The following ACTR1A variants were observed in gnomAD, a reference collection of about 807,000 sequenced individuals.
The protein encoded by ACTR1A is alpha-centractin.
In ACTR1A, 10 loss-of-function variants were observed where a neutral mutation model predicts 50.7. The ratio of observed to expected loss-of-function variants is 0.20; its 90% CI spans 0.12 to 0.33. The LOEUF is 0.33. Among genes scored for constraint, ACTR1A ranks in the 10% least tolerant of loss-of-function variants. The pLI, the probability that ACTR1A is intolerant of heterozygous loss-of-function variation, is 1.00. For missense variants in ACTR1A, 253 were observed against 491.7 expected (o/e 0.51, Z 4.59); for synonymous variants, 177 against 184.2 (o/e 0.96, Z 0.32).
Position 102,480,469 on chromosome 10 carries a change from G to T in ACTR1A, c.*394C>A, listed in dbSNP as rs1589958090. 1 of 211,528 alleles carries T rather than the reference G, an allele frequency of 4.7e-6. No homozygotes were observed. The highest frequency in any genetic ancestry group is 9.6e-6 in the Non-Finnish European group (1 of 104,574). 13.1% of individuals were successfully genotyped at this position (211,528 alleles called of 1,614,324 possible). On this transcript the variant is annotated 3_prime_UTR_variant, in exon 11 of 11. Transcript: ENST00000369905. ...TGGGGCCTCAGGGCACCCTGGGGGT[G>T]GGGGTGAGGGTGGGGCCAGCCCAGC... is the stretch of plus-strand genomic sequence containing the variant.
chr10:102,488,106 G>A lies in ACTR1A; in HGVS notation c.315+44C>T. 16 of 1,580,736 alleles carry A rather than the reference G, an allele frequency of 1.0e-5. No individual in the cohort carries two copies. Among genetic ancestry groups the A allele is most frequent in the Non-Finnish European group, 1.3e-5 (15 of 1,152,898 alleles). On this transcript the variant is annotated intron_variant, in intron 4 of 10. Coordinates refer to ENST00000369905, the MANE Select transcript of ACTR1A (RefSeq NM_005736.4). The surrounding 1 kb of genome is among the most constrained non-coding windows in gnomAD (Gnocchi z 4.4). ...ATCTCTAGGGTAGGAGTTTGACACA[G>A]CTTTGCATACCCTACAGGAGTGCCC...
In ACTR1A at chr10:102,488,933, A is replaced by G. The variant is rs2062180531; in HGVS notation, c.189+130T>C. The G allele has an allele frequency of 1.6e-6, 1 of 645,112 alleles. No homozygotes were observed. Among genetic ancestry groups the G allele is most frequent in the Admixed American group, 3.1e-5 (1 of 32,314 alleles). 40.0% of individuals were successfully genotyped at this position (645,112 alleles called of 1,614,324 possible). Reference sequence around the variant, plus strand: ...ACCTAAGCCTAGGATGAGAGAATCAAAAAGGAGATTTTCAGAGAAAGTTGC... The same window carrying G: ...ACCTAAGCCTAGGATGAGAGAATCAGAAAGGAGATTTTCAGAGAAAGTTGC... On this transcript the variant is annotated intron_variant, in intron 3 of 10. Coordinates refer to ENST00000369905, the MANE Select transcript of ACTR1A (RefSeq NM_005736.4). This position sits in a 1 kb window ranked among gnomAD's most constrained non-coding sequence, Gnocchi z 4.4.
chr10:102,502,387 T>A (rs2062261738), intron 1 of ACTR1A, among the ~76,000 whole-genome samples: 1 of 152,238 alleles, frequency 6.6e-6, no homozygotes, highest in Non-Finnish European at 1.5e-5. Flanking sequence ...CTCTTTCCTT[T>A]ATCCACTCCA....
rs567872001 is a variant in ACTR1A, at chr10:102,485,596, A to C, written c.440+13T>G. On this transcript the variant is annotated intron_variant, in intron 5 of 10. Coordinates refer to ENST00000369905, the MANE Select transcript of ACTR1A (RefSeq NM_005736.4). ...TTTCCCCGCAGGGGCCGGGCTAGCC[A>C]GCTGCTACTCACAGGCTGAGTACAG... 13 of 1,613,120 alleles carry C rather than the reference A, an allele frequency of 8.1e-6. No homozygotes were observed. Among genetic ancestry groups the C allele is most frequent in the African/African-American group, 5.3e-5 (4 of 75,038 alleles).
In ACTR1A at chr10:102,488,572, C is replaced by G. The variant is rs2062179400; in HGVS notation, c.190-297G>C. 6.6e-6 allele frequency among the ~76,000 whole-genome samples: 1 copy of G among 152,202 alleles called. No individual in the cohort carries two copies. The highest frequency in any genetic ancestry group is 6.5e-5 in the Admixed American group (1 of 15,280). ...GAGGCATCTTCCTCATTGCCTGGTTCCAGGACACAATCTCCTGGCTCCCAC... is the reference window on the plus strand; with the variant it reads ...GAGGCATCTTCCTCATTGCCTGGTTGCAGGACACAATCTCCTGGCTCCCAC... On this transcript the variant is annotated intron_variant, in intron 3 of 10. Coordinates refer to ENST00000369905, the MANE Select transcript of ACTR1A (RefSeq NM_005736.4). The surrounding 1 kb of genome is among the most constrained non-coding windows in gnomAD (Gnocchi z 4.4).
At chr10:102,496,452 G>A (rs1380424892) in intron 1 of ACTR1A, among the ~76,000 whole-genome samples, 3 of 152,202 alleles carry the variant, frequency 2.0e-5, no homozygotes, top group Non-Finnish European at 4.4e-5. Context: ...AATTGGTGAC[G>A]TTTCTTCTTC....
intron 1 of ACTR1A, among the ~76,000 whole-genome samples, chr10:102,502,365 C>G (rs2062261456): frequency 6.6e-6 from 1 of 152,248 alleles, no homozygotes; most frequent in Non-Finnish European, 1.5e-5. Flanking sequence ...CAAGGACTGG[C>G]TTGGACTATA....
At chr10:102,492,754 C>T (rs2062200418) in intron 1 of ACTR1A, among the ~76,000 whole-genome samples, 1 of 152,110 alleles carries the variant, frequency 6.6e-6, no homozygotes, top group South Asian at 2.1e-4. Flanking sequence ...GTAATCCCAG[C>T]ACTGTGGGAG....
At chr10:102,486,608 G>C (rs987069117) in intron 4 of ACTR1A, among the ~76,000 whole-genome samples, 3 of 152,102 alleles carry the variant, frequency 2.0e-5, no homozygotes, top group Admixed American at 1.3e-4. Flanking sequence ...CAGGAGAATC[G>C]CTTGAACCTG....
intron 1 of ACTR1A, among the ~76,000 whole-genome samples, chr10:102,493,664 T>C (rs2062206118): frequency 6.6e-6 from 1 of 152,256 alleles, no homozygotes; most frequent in Non-Finnish European, 1.5e-5. Context: ...CGAGGTGGCA[T>C]GCACTTCATT....
Position 102,484,361 on chromosome 10 carries a change from C to T in ACTR1A, c.456G>A (p.Arg152=). 1 of 1,614,036 alleles carries T rather than the reference C, an allele frequency of 6.2e-7. No individual in the cohort carries two copies. Among genetic ancestry groups the T allele is most frequent in the South Asian group, 1.1e-5 (1 of 91,074 alleles). Residue 152 remains arginine (R), a synonymous_variant, in exon 6 of 11, where the codon AGG becomes AGA. Coordinates refer to ENST00000369905, the MANE Select transcript of ACTR1A (RefSeq NM_005736.4). ...CAGAATCCAGCACCACCCCTGTGGT[C>T]CTGCCTGTAGCGTAACTGAAGCAAA... ...QAVLSLYATG[R]TTGVVLDSGD... is the part of the protein sequence containing the mutation.
chr10:102,481,576 G>A (rs186349687), intron 9 of ACTR1A, among the ~76,000 whole-genome samples: 89 of 152,246 alleles, frequency 5.8e-4, no homozygotes, highest in Admixed American at 2.6e-3. Context: ...GAAAGATCAC[G>A]CAGGGGGCCC....
At chr10:102,492,334 G>T (rs933137630) in intron 1 of ACTR1A, among the ~76,000 whole-genome samples, 1 of 152,064 alleles carries the variant, frequency 6.6e-6, no homozygotes, top group African/African-American at 2.4e-5. Flanking sequence ...CTCCCAAAGT[G>T]CTGGGATTAC....
chr10:102,480,869 G>A lies in ACTR1A; in HGVS notation c.1125C>T (p.Thr375=), dbSNP rs775604289. Residue 375 remains threonine, a synonymous_variant, in exon 11 of 11, where the codon ACC becomes ACT. Coordinates refer to ENST00000369905, the MANE Select transcript of ACTR1A (RefSeq NM_005736.4). The part of the protein sequence containing the change: ...EDGARSIHRK[T]F ...TGAAGATGATGTCCCGACATTAGAA[G>A]GTTTTTCTGTGGATGGATCGGGCAC... 20 of 1,611,628 alleles carry A rather than the reference G, an allele frequency of 1.2e-5. No homozygotes were observed. The African/African-American group carries it at 2.0e-4, about 16-fold the overall frequency.
intron 1 of ACTR1A, among the ~76,000 whole-genome samples, chr10:102,501,178 A>G (rs1249010270): frequency 2.0e-5 from 3 of 152,186 alleles, no homozygotes; most frequent in African/African-American, 7.2e-5. Flanking sequence ...AGGAAAATTT[A>G]ATGAAAACAA....
intron 4 of ACTR1A, among the ~76,000 whole-genome samples, chr10:102,486,216 G>A (rs544617482): frequency 2.0e-5 from 3 of 152,256 alleles, no homozygotes; most frequent in East Asian, 3.9e-4. Context: ...TGTGAACTGC[G>A]CATGTGAGGG....
chr10:102,495,385 C>T (rs1294189719), intron 1 of ACTR1A, among the ~76,000 whole-genome samples: 1 of 151,934 alleles, frequency 6.6e-6, no homozygotes, highest in Non-Finnish European at 1.5e-5. Flanking sequence ...CTGGCTAACA[C>T]GGTGAAACCC....
chr10:102,484,068 G>A lies in ACTR1A; in HGVS notation c.657+92C>T, dbSNP rs933927872. 16 of 1,253,692 alleles carry A rather than the reference G, an allele frequency of 1.3e-5. No homozygotes were observed. In the African/African-American group the frequency reaches 2.4e-4, roughly 18 times the overall value. 77.7% of individuals were successfully genotyped at this position (1,253,692 alleles called of 1,614,324 possible). On this transcript the variant is annotated intron_variant, in intron 6 of 10. Transcript: ENST00000369905. ...CCTCACCAGGGACCCCCAGGCAGGTGCTTTGCCTGGCTTCACTGGCAGGTC... is the reference window on the plus strand; with the variant it reads ...CCTCACCAGGGACCCCCAGGCAGGTACTTTGCCTGGCTTCACTGGCAGGTC...
intron 4 of ACTR1A, among the ~76,000 whole-genome samples, chr10:102,486,707 A>G (rs2062169679): frequency 6.6e-6 from 1 of 151,996 alleles, no homozygotes; most frequent in Non-Finnish European, 1.5e-5. Context: ...AAAGCAAACA[A>G]AAAAAACCCA....
Sources: allele counts gnomAD v4.1 joint callset (sites outside exome capture counted in the v4.1 genomes callset), GRCh38; gene constraint gnomAD v4.1.1; non-coding constraint Gnocchi (gnomAD v3.1); transcripts MANE v1.5; gene names NCBI Gene and HGNC (gene_info 2026-07-23, HGNC 2026-07-21).